Variants in PARVA observed in about 807,000 individuals in gnomAD.
PARVA encodes parvin alpha.
Under a neutral mutation model 52.6 loss-of-function variants are expected in PARVA, and 25 were observed. That is an observed-to-expected ratio of 0.48 (90% confidence interval 0.35 to 0.66). The LOEUF is 0.66. PARVA is among the 30% of genes least tolerant of loss of function. The probability of loss-of-function intolerance (pLI) is 0.01; values close to 1 mark genes in which losing one functional copy is unlikely to be tolerated. For missense variants in PARVA, 373 were observed against 450.9 expected (o/e 0.83, Z 1.56); for synonymous variants, 185 against 179.1 (o/e 1.03, Z -0.26).
intron 8 of PARVA, among the ~76,000 whole-genome samples, 180 bp downstream of exon 8, chr11:12,511,713 C>T (rs1941504744): frequency 6.7e-6 from 1 of 148,928 alleles, no homozygotes; most frequent in Non-Finnish European, 1.5e-5. Context: ...AGACTACCTA[C>T]ACCTGCACAG....
chr11:12,498,923 C>A (rs1201259888), intron 5 of PARVA, among the ~76,000 whole-genome samples: 1 of 152,178 alleles, frequency 6.6e-6, no homozygotes. Flanking sequence ...TCTTACATCA[C>A]ACGTATTTTC....
At chr11:12,414,848 G>A (rs1305364877) in intron 1 of PARVA, among the ~76,000 whole-genome samples, 5 of 152,194 alleles carry the variant, frequency 3.3e-5, no homozygotes, top group Non-Finnish European at 7.3e-5. Context: ...GCCCTGGATC[G>A]ATGTGAACTA....
rs578219708 is a variant in PARVA at position 12,534,638 on chromosome 11, G to A, written c.*6713G>A. 6.6e-6 allele frequency among the ~76,000 whole-genome samples: 1 copy of A among 152,336 alleles called. No homozygotes were observed. The highest frequency in any genetic ancestry group is 2.1e-4 in the South Asian group (1 of 4,826). On this transcript the variant is annotated 3_prime_UTR_variant, in exon 13 of 13. Coordinates refer to ENST00000334956, the MANE Select transcript of PARVA (RefSeq NM_018222.5). ...TTCCAAGACACACAAATGTCATTAA[G>A]GCAACCGCTTAAAGGAGTGTGATAT... is the stretch of plus-strand genomic sequence containing the variant.
chr11:12,401,489 T>A lies in PARVA; in HGVS notation c.136+23706T>A, dbSNP rs1029340299. ...AAGCACCTACTAACCTCTTGCACAG[T>A]ACCATTCTGCAGCACACACAGACAA... On this transcript the variant is annotated intron_variant, in intron 1 of 12. Transcript: ENST00000334956. Among the ~76,000 whole-genome samples the A allele has an allele frequency of 2.0e-5, 3 of 152,328 alleles. No homozygotes were observed. The East Asian group carries it at 5.8e-4, about 29-fold the overall frequency.
intron 3 of PARVA, among the ~76,000 whole-genome samples, chr11:12,476,612 C>T (rs1941017913): frequency 6.6e-6 from 1 of 152,134 alleles, no homozygotes; most frequent in Non-Finnish European, 1.5e-5. Flanking sequence ...CTCATAGCAC[C>T]ATGTCCTCCC....
At chr11:12,527,105 C>G (rs987736493) in intron 12 of PARVA, among the ~76,000 whole-genome samples, 1 of 152,226 alleles carries the variant, frequency 6.6e-6, no homozygotes, top group African/African-American at 2.4e-5. Flanking sequence ...CCATGCTGGC[C>G]TATTGGGAAT....
At chr11:12,519,075 G>A (rs1252827902) in intron 12 of PARVA, among the ~76,000 whole-genome samples, 1 of 152,250 alleles carries the variant, frequency 6.6e-6, no homozygotes, top group Non-Finnish European at 1.5e-5. Flanking sequence ...TTCGTGAGCA[G>A]AGGAGGCACG....
intron 12 of PARVA, among the ~76,000 whole-genome samples, chr11:12,519,807 T>A (rs1388435745): frequency 6.6e-6 from 1 of 152,190 alleles, no homozygotes; most frequent in African/African-American, 2.4e-5. Flanking sequence ...CCTAAGCCCC[T>A]GGTCAACTGA....
At chr11:12,434,945 G>A (rs750904324) in intron 1 of PARVA, among the ~76,000 whole-genome samples, 4 of 152,046 alleles carry the variant, frequency 2.6e-5, no homozygotes, top group Admixed American at 6.6e-5. Context: ...TCCTCAGTCC[G>A]CCACCCCACA....
chr11:12,474,123 G>A, intron 3 of PARVA, 140 bp downstream of exon 3: 1 of 688,064 alleles, frequency 1.5e-6, no homozygotes, highest in Non-Finnish European at 2.6e-6. Context: ...GCAGTGAGTT[G>A]TCTAGCAGAT....
Position 12,532,458 on chromosome 11 carries a change from T to C in PARVA, c.*4533T>C, listed in dbSNP as rs1000820685. Among the ~76,000 whole-genome samples the C allele has an allele frequency of 1.4e-4, 22 of 152,238 alleles. No individual in the cohort carries two copies. Among genetic ancestry groups the C allele is most frequent in the Admixed American group, 1.3e-3 (20 of 15,292 alleles). ...ATGTATCTGTCCCCTGAGAAATTTCTAGGATGAGTACTCTGAACTCAGGAC... is the reference window on the plus strand; with the variant it reads ...ATGTATCTGTCCCCTGAGAAATTTCCAGGATGAGTACTCTGAACTCAGGAC... On this transcript the variant is annotated 3_prime_UTR_variant, in exon 13 of 13. Transcript: ENST00000334956.
intron 1 of PARVA, among the ~76,000 whole-genome samples, chr11:12,421,254 A>G (rs1475723717): frequency 6.6e-6 from 1 of 152,004 alleles, no homozygotes; most frequent in Non-Finnish European, 1.5e-5. Context: ...CTCTGCCCAA[A>G]ACTGAAGTGT....
intron 1 of PARVA, among the ~76,000 whole-genome samples, chr11:12,471,122 G>A (rs1469284950): frequency 6.6e-6 from 1 of 152,196 alleles, no homozygotes; most frequent in Non-Finnish European, 1.5e-5. Context: ...AAACAGTGGT[G>A]CCATCTACTG....
At chr11:12,443,940 C>T (rs1342266212) in intron 1 of PARVA, among the ~76,000 whole-genome samples, 1 of 152,204 alleles carries the variant, frequency 6.6e-6, no homozygotes, top group Non-Finnish European at 1.5e-5. Flanking sequence ...TACTGCCTTA[C>T]TATCTCATTC....
At chr11:12,411,467 C>G (rs1939991964) in intron 1 of PARVA, among the ~76,000 whole-genome samples, 1 of 152,176 alleles carries the variant, frequency 6.6e-6, no homozygotes, top group South Asian at 2.1e-4. Context: ...TAGTTTTTCC[C>G]TAATAGATTT....
chr11:12,410,162 C>T (rs1316641513), intron 1 of PARVA, among the ~76,000 whole-genome samples: 1 of 152,230 alleles, frequency 6.6e-6, no homozygotes, highest in South Asian at 2.1e-4. Context: ...GGATTAGGCT[C>T]TCAGCCCTAG....
intron 1 of PARVA, among the ~76,000 whole-genome samples, chr11:12,426,462 A>T (rs1365736461): frequency 6.6e-6 from 1 of 152,062 alleles, no homozygotes; most frequent in Non-Finnish European, 1.5e-5. Context: ...AGGGCAGAGT[A>T]TTTGGGTTGA....
At chr11:12,506,453 A>G (rs1941432361) in intron 6 of PARVA, among the ~76,000 whole-genome samples, 1 of 152,202 alleles carries the variant, frequency 6.6e-6, no homozygotes, top group Non-Finnish European at 1.5e-5. Flanking sequence ...TAGAATAAAC[A>G]GCCCTCTAAC....
At chr11:12,479,201 C>G (rs1285243427) in intron 4 of PARVA, 2 of 152,256 alleles carry the variant, frequency 1.3e-5, no homozygotes, top group African/African-American at 2.4e-5. Flanking sequence ...GCCTGCCTTC[C>G]TCCTTTACCC....
Sources: gnomAD v4.1 joint callset for allele counts (sites outside exome capture counted in the v4.1 genomes callset) on GRCh38, gnomAD v4.1.1 for gene constraint, MANE v1.5 for transcripts, NCBI Gene and HGNC (gene_info 2026-07-23, HGNC 2026-07-21) for gene names.